The following SLC25A26 variants were observed in gnomAD, a reference collection of about 807,000 sequenced individuals.
The protein encoded by SLC25A26 is mitochondrial S-adenosylmethionine carrier protein.
SLC25A26 carries 36 observed loss-of-function variants against 37.8 expected under a neutral mutation model. The ratio of observed to expected loss-of-function variants is 0.95; its 90% confidence interval spans 0.73 to 1.26. The LOEUF is 1.26. SLC25A26 is among the 50% of genes most tolerant of loss of function. SLC25A26 has a pLI of 0.00. For missense variants in SLC25A26, 390 were observed against 331.1 expected (o/e 1.18, Z -1.38); for synonymous variants, 129 against 122.5 (o/e 1.05, Z -0.35).
At chr3:66,226,642 T>A (rs1308314206) in intron 1 of SLC25A26, among the ~76,000 whole-genome samples, 1 of 152,096 alleles carries the variant, frequency 6.6e-6, no homozygotes, top group Admixed American at 6.5e-5. Flanking sequence ...TTTTCTTGTT[T>A]TGTAGAGACA....
At chr3:66,145,515 A>G (rs1440103578) in intron 1 of SLC25A26, among the ~76,000 whole-genome samples, 2 of 152,234 alleles carry the variant, frequency 1.3e-5, no homozygotes, top group African/African-American at 2.4e-5. Context: ...ACAGGGTCCC[A>G]AATCCTTCTG....
rs1040443524 is a variant in SLC25A26, at chr3:66,201,510, T to C, written c.-353-19232T>C. Among the ~76,000 whole-genome samples, 330 of 152,224 alleles carry C rather than the reference T, an allele frequency of 2.2e-3. 1 individual carries two copies. Among genetic ancestry groups the C allele is most frequent in the Non-Finnish European group, 3.7e-3 (254 of 68,028 alleles). On this transcript the variant is annotated intron_variant, in intron 1 of 10. Coordinates refer to the SLC25A26 transcript ENST00000676754. ...CACTATACCTGGCTAATTTTTTATT[T>C]TTTTAAATAGAGATGGGGTTTCACC...
intron 5 of SLC25A26, among the ~76,000 whole-genome samples, chr3:66,279,458 G>T (rs1291164047): frequency 6.6e-6 from 1 of 152,142 alleles, no homozygotes; most frequent in Non-Finnish European, 1.5e-5. Context: ...AATGCTTTCA[G>T]ATATGAAAAA....
intron 1 of SLC25A26, among the ~76,000 whole-genome samples, chr3:66,227,204 A>T (rs917400588): frequency 2.6e-5 from 4 of 152,278 alleles, no homozygotes; most frequent in African/African-American, 9.6e-5. Flanking sequence ...TTCCTTATTT[A>T]TGTTAAATTT....
intron 5 of SLC25A26, among the ~76,000 whole-genome samples, chr3:66,345,439 C>G (rs2076297556): frequency 6.6e-6 from 1 of 151,222 alleles, no homozygotes; most frequent in South Asian, 2.1e-4. Context: ...CTCCTCTTTT[C>G]TCCCTCTCCT....
intron 5 of SLC25A26, among the ~76,000 whole-genome samples, chr3:66,334,353 C>T (rs1354645558): frequency 6.6e-6 from 1 of 152,104 alleles, no homozygotes; most frequent in Non-Finnish European, 1.5e-5. Flanking sequence ...CTTGCTCTGT[C>T]GCCCAGGCTG....
rs180870683 is a variant in SLC25A26 at position 66,146,691 on chromosome 3, T to A, written c.-354+12707T>A. On this transcript the variant is annotated intron_variant, in intron 1 of 10. Coordinates refer to the SLC25A26 transcript ENST00000676754. ...ACAGATGGCACATTCAGGATTTTTT[T>A]AAAAATTTCAATAGCTTTGGGGTTG... Among the ~76,000 whole-genome samples the A allele has an allele frequency of 9.3e-4, 142 of 152,286 alleles. No individual in the cohort carries two copies. In the East Asian group the frequency reaches 0.011, roughly 12 times the overall value.
intron 5 of SLC25A26, among the ~76,000 whole-genome samples, chr3:66,340,140 C>G (rs1050562918): frequency 6.6e-5 from 10 of 152,020 alleles, no homozygotes; most frequent in African/African-American, 2.4e-4. Context: ...GTCTGGCACC[C>G]TTTTCGAAGA....
chr3:66,261,950 C>A, intron 3 of SLC25A26, 101 bp from the exon 4 acceptor site: 1 of 671,002 alleles, frequency 1.5e-6, no homozygotes, highest in South Asian at 1.8e-5. Flanking sequence ...TGCAGTAAGC[C>A]TACATATTAT....
intron 1 of SLC25A26, among the ~76,000 whole-genome samples, chr3:66,168,153 CAA>C (rs1238897849): frequency 3.7e-5 from 2 of 53,434 alleles, no homozygotes; most frequent in South Asian, 5.9e-4. Context: ...AACTCAGTCT[CAA>C]AAAAAATATA....
intron 5 of SLC25A26, among the ~76,000 whole-genome samples, chr3:66,269,130 C>T (rs1559637261): frequency 6.6e-6 from 1 of 152,232 alleles, no homozygotes; most frequent in Non-Finnish European, 1.5e-5. Flanking sequence ...GTGCTAGGAA[C>T]TTTGCATAGA....
chr3:66,140,960 T>C (rs2070024512), intron 1 of SLC25A26, among the ~76,000 whole-genome samples: 1 of 152,104 alleles, frequency 6.6e-6, no homozygotes. Flanking sequence ...GTGGTTACTG[T>C]GGTGGTGCCA....
At chr3:66,150,860 T>A (rs2070197742) in intron 1 of SLC25A26, among the ~76,000 whole-genome samples, 4 of 151,576 alleles carry the variant, frequency 2.6e-5, no homozygotes, top group Admixed American at 2.6e-4. Flanking sequence ...ACCCTCTGTT[T>A]TAGATTGCAG....
chr3:66,279,778 T>C lies in SLC25A26; in HGVS notation c.453+16399T>C, dbSNP rs924584661. ...ATTGATCTGTGGGAGTCTTACAAAC[T>C]GATTACCAAGTTTCTGATACAGCTT... On this transcript the variant is annotated intron_variant, in intron 5 of 9. Transcript: ENST00000354883. Among the ~76,000 whole-genome samples, 22 of 152,328 alleles carry C rather than the reference T, an allele frequency of 1.4e-4. 1 individual carries two copies. The highest frequency in any genetic ancestry group is 3.1e-4 in the Non-Finnish European group (21 of 68,038).
At chr3:66,235,382 G>C (rs142282411) in intron 1 of SLC25A26, among the ~76,000 whole-genome samples, 1 of 152,252 alleles carries the variant, frequency 6.6e-6, no homozygotes, top group South Asian at 2.1e-4. Flanking sequence ...TTAAAGTACA[G>C]CTTCCCCAAA....
upstream of SLC25A26, among the ~76,000 whole-genome samples, chr3:66,216,087 T>C (rs2071356793): frequency 6.6e-6 from 1 of 152,196 alleles, no homozygotes. Flanking sequence ...ACTTTAGTCA[T>C]ATTCACAAGG....
intron 1 of SLC25A26, among the ~76,000 whole-genome samples, chr3:66,222,913 A>G (rs36158264): frequency 0.042 from 6,389 of 152,216 alleles, 203 homozygotes; most frequent in Middle Eastern, 0.085. Context: ...TTCCCAATGT[A>G]TTTATAGAGG....
chr3:66,282,291 G>T (rs967389561), intron 5 of SLC25A26, among the ~76,000 whole-genome samples: 2 of 152,048 alleles, frequency 1.3e-5, no homozygotes, highest in Non-Finnish European at 2.9e-5. Flanking sequence ...GATTACAGGC[G>T]TGAGCCACCG....
chr3:66,195,512 G>A (rs1189329699), intron 1 of SLC25A26, among the ~76,000 whole-genome samples: 3 of 152,240 alleles, frequency 2.0e-5, no homozygotes, highest in African/African-American at 4.8e-5. Flanking sequence ...CAGGGTTGGA[G>A]GCTCAGCTAA....
Sources: allele counts gnomAD v4.1 joint callset (sites outside exome capture counted in the v4.1 genomes callset), GRCh38; gene constraint gnomAD v4.1.1; transcripts MANE v1.5; gene names NCBI Gene and HGNC (gene_info 2026-07-23, HGNC 2026-07-21).